PALS1: variants seen among roughly 807,000 people sequenced by gnomAD.
The protein encoded by PALS1 is protein PALS1.
Under a neutral mutation model 78.9 loss-of-function variants are expected in PALS1, and 31 were observed. That is an observed-to-expected ratio of 0.39 (90% confidence interval 0.30 to 0.53). PALS1 has a LOEUF of 0.53. Among genes scored for constraint, PALS1 ranks in the 20% least tolerant of loss-of-function variants. The probability of loss-of-function intolerance (pLI) is 0.67; values close to 1 mark genes in which losing one functional copy is unlikely to be tolerated. For synonymous variants in PALS1, 276 were observed against 270.9 expected, an observed-to-expected ratio of 1.02 and a Z score of -0.18; for missense variants, 704 against 826.5, an observed-to-expected ratio of 0.85 and a Z score of 1.82.
At chr14:67,251,871 C>T (rs1389692953) in intron 1 of PALS1, among the ~76,000 whole-genome samples, 1 of 152,198 alleles carries the variant, frequency 6.6e-6, no homozygotes, top group Non-Finnish European at 1.5e-5. Context: ...CATGGGGCCC[C>T]ACCTTCAACC....
intron 1 of PALS1, among the ~76,000 whole-genome samples, chr14:67,253,616 A>T (rs924197761): frequency 3.3e-5 from 5 of 152,154 alleles, no homozygotes; most frequent in African/African-American, 1.2e-4. Context: ...AGACTGAGGC[A>T]AGAGGACTGC....
intron 8 of PALS1, among the ~76,000 whole-genome samples, chr14:67,310,130 T>G (rs2085067093): frequency 6.6e-6 from 1 of 152,094 alleles, no homozygotes; most frequent in African/African-American, 2.4e-5. Flanking sequence ...CATGCCAAGA[T>G]TATAAATTTG....
In PALS1 at chr14:67,316,912, C is replaced by T; in HGVS notation, c.1297+9C>T. On this transcript the variant is annotated intron_variant, in intron 10 of 14. Transcript: ENST00000261681. ...GGAGCCAGAAAAATCAGGTTAGACA[C>T]TTGTATTTGACATAAGTAAATGGTT... is the stretch of plus-strand genomic sequence containing the variant. 1 of 1,604,118 alleles carries T rather than the reference C, an allele frequency of 6.2e-7. No homozygotes were observed. The highest frequency in any genetic ancestry group is 8.5e-7 in the Non-Finnish European group (1 of 1,174,178).
intron 3 of PALS1, among the ~76,000 whole-genome samples, chr14:67,287,211 C>A (rs928733626): frequency 9.2e-5 from 14 of 151,712 alleles, no homozygotes; most frequent in African/African-American, 3.4e-4. Context: ...AGAGCGAAAC[C>A]CTATCTCAAA....
chr14:67,323,261 G>GTATGTATATA (rs2085294842), intron 13 of PALS1, among the ~76,000 whole-genome samples: 1 of 124,140 alleles, frequency 8.1e-6, no homozygotes, highest in African/African-American at 2.7e-5. Context: ...GTGTGTGTGT[G>GTATGTATATA]TATATATATA....
intron 4 of PALS1, among the ~76,000 whole-genome samples, chr14:67,296,185 A>G (rs1280547042): frequency 6.6e-6 from 1 of 152,154 alleles, no homozygotes; most frequent in African/African-American, 2.4e-5. Context: ...CTGAGAATAT[A>G]CCAGGAAGCG....
chr14:67,317,000 G>A, intron 10 of PALS1, 97 bp downstream of exon 10: 1 of 917,898 alleles, frequency 1.1e-6, no homozygotes, highest in Non-Finnish European at 1.7e-6. Flanking sequence ...GAAGTACTCA[G>A]GGAAAGAGTG....
chr14:67,312,616 T>C lies in PALS1; in HGVS notation c.1131T>C (p.Asp377=). ...TAGGTCTGTCTTTTCAAAAAGGTGA[T>C]ATACTTCATGTGATCAGTCAAGAAG... ...RELGLSFQKG[D]ILHVISQEDP... is the part of the protein sequence containing the mutation. Residue 377 remains aspartate, a synonymous_variant, in exon 9 of 15, where the codon GAT becomes GAC. Transcript: ENST00000261681. 1 of 1,613,850 alleles carries C rather than the reference T, an allele frequency of 6.2e-7. No individual in the cohort carries two copies. Among genetic ancestry groups the C allele is most frequent in the Non-Finnish European group, 8.5e-7 (1 of 1,179,858 alleles).
chr14:67,274,058 C>G (rs1336480460), intron 2 of PALS1, among the ~76,000 whole-genome samples: 2 of 152,208 alleles, frequency 1.3e-5, no homozygotes, highest in South Asian at 4.2e-4. Context: ...AAAATTTTCT[C>G]CCATTCTGTA....
chr14:67,299,487 A>G (rs1310512215), intron 4 of PALS1, among the ~76,000 whole-genome samples: 1 of 152,234 alleles, frequency 6.6e-6, no homozygotes, highest in Admixed American at 6.5e-5. Flanking sequence ...TTTAAAATAC[A>G]AAAGGGTCTT....
intron 1 of PALS1, among the ~76,000 whole-genome samples, chr14:67,250,917 C>T (rs936292560): frequency 3.9e-5 from 6 of 152,180 alleles, no homozygotes; most frequent in African/African-American, 9.7e-5. Context: ...TTGTATCCCT[C>T]GCTGTGTCTC....
At chr14:67,260,693 A>G (rs969800623) in intron 1 of PALS1, among the ~76,000 whole-genome samples, 2 of 152,228 alleles carry the variant, frequency 1.3e-5, no homozygotes, top group Non-Finnish European at 2.9e-5. Context: ...CAAAAGTTTA[A>G]TGACAAAATA....
chr14:67,299,984 T>C (rs990016962), intron 4 of PALS1, among the ~76,000 whole-genome samples: 32 of 152,158 alleles, frequency 2.1e-4, no homozygotes, highest in African/African-American at 7.7e-4. Context: ...AAAGGGAAAA[T>C]ACCCTCTTTT....
At chr14:67,273,781 C>T (rs1233140233) in intron 2 of PALS1, among the ~76,000 whole-genome samples, 1 of 152,146 alleles carries the variant, frequency 6.6e-6, no homozygotes, top group African/African-American at 2.4e-5. Context: ...CTCTCCGGCA[C>T]CTGTTGTTTC....
chr14:67,271,531 G>C (rs1478711090), intron 2 of PALS1: 1 of 152,166 alleles, frequency 6.6e-6, no homozygotes, highest in Non-Finnish European at 1.5e-5. Context: ...AATGTGACAG[G>C]GATTATAGGA....
intron 11 of PALS1, among the ~76,000 whole-genome samples, chr14:67,317,847 AG>A (rs2085201340): frequency 6.6e-6 from 1 of 152,240 alleles, no homozygotes; most frequent in Non-Finnish European, 1.5e-5. Flanking sequence ...CTGCTGGCTA[AG>A]TCAGACACAC....
intron 1 of PALS1, among the ~76,000 whole-genome samples, chr14:67,244,374 ATGAG>A (rs1263090019): frequency 6.6e-6 from 1 of 152,236 alleles, no homozygotes; most frequent in African/African-American, 2.4e-5. Context: ...TGCAAACAGT[ATGAG>A]TGACAGTGGC....
At chr14:67,296,716 A>G (rs1472031045) in intron 4 of PALS1, among the ~76,000 whole-genome samples, 3 of 152,114 alleles carry the variant, frequency 2.0e-5, no homozygotes, top group Non-Finnish European at 4.4e-5. Flanking sequence ...AACTTATATG[A>G]ATAGGTGAAA....
chr14:67,323,261 G>GTGTGTGTGTGTGTA (rs1429954753), intron 13 of PALS1, among the ~76,000 whole-genome samples: 184 of 124,172 alleles, frequency 1.5e-3, no homozygotes, highest in Non-Finnish European at 1.9e-3. Flanking sequence ...GTGTGTGTGT[G>GTGTGTGTGTGTGTA]TATATATATA....
Sources: allele counts gnomAD v4.1 joint callset (sites outside exome capture counted in the v4.1 genomes callset), GRCh38; gene constraint gnomAD v4.1.1; transcripts MANE v1.5; gene names NCBI Gene and HGNC (gene_info 2026-07-23, HGNC 2026-07-21).